CNBD1: variants seen among roughly 807,000 people sequenced by gnomAD.
CNBD1 encodes cyclic nucleotide-binding domain-containing protein 1.
A neutral mutation model predicts 54.4 loss-of-function variants in CNBD1; 71 were observed. The ratio of observed to expected loss-of-function variants is 1.30; its 90% CI spans 1.08 to 1.59. CNBD1 has a LOEUF of 1.59. CNBD1 is among the 40% of genes most tolerant of loss of function. The pLI, the probability that CNBD1 is intolerant of heterozygous loss-of-function variation, is 0.00. For missense variants in CNBD1, 659 were observed against 518.0 expected (o/e 1.27, Z -2.64); for synonymous variants, 182 against 170.7 (o/e 1.07, Z -0.51).
chr8:87,040,028 A>G (rs747316051), intron 4 of CNBD1, among the ~76,000 whole-genome samples: 7 of 152,104 alleles, frequency 4.6e-5, no homozygotes, highest in Non-Finnish European at 7.4e-5. Flanking sequence ...TCAAACACTG[A>G]TCTTTGGTTC....
intron 6 of CNBD1, among the ~76,000 whole-genome samples, chr8:87,249,976 G>A (rs899161699): frequency 6.6e-6 from 1 of 152,040 alleles, no homozygotes; most frequent in African/African-American, 2.4e-5. Flanking sequence ...AGAGAAATGG[G>A]ATCACATCAA....
At chr8:86,991,119 T>C (rs995567182) in intron 4 of CNBD1, among the ~76,000 whole-genome samples, 2 of 152,178 alleles carry the variant, frequency 1.3e-5, no homozygotes, top group Admixed American at 6.5e-5. Flanking sequence ...TTATATCATC[T>C]GCAAACAATG....
intron 10 of CNBD1, among the ~76,000 whole-genome samples, chr8:87,362,612 A>T (rs76404681): frequency 0.019 from 2,841 of 152,126 alleles, 90 homozygotes; most frequent in African/African-American, 0.062. Context: ...GATGGCCATT[A>T]AGAGGAATTT....
At chr8:86,955,175 A>G (rs1405030836) in intron 4 of CNBD1, among the ~76,000 whole-genome samples, 2 of 152,088 alleles carry the variant, frequency 1.3e-5, no homozygotes, top group Admixed American at 6.6e-5. Context: ...ATCATTTTTT[A>G]TGGCTGCATA....
At chr8:87,259,938 G>T (rs1200588068) in intron 6 of CNBD1, among the ~76,000 whole-genome samples, 3 of 152,082 alleles carry the variant, frequency 2.0e-5, no homozygotes, top group Non-Finnish European at 4.4e-5. Context: ...TTTACGAAAG[G>T]TAACCTTCCA....
intron 1 of CNBD1, among the ~76,000 whole-genome samples, chr8:86,876,447 G>A (rs1207812320): frequency 6.6e-6 from 1 of 151,576 alleles, no homozygotes; most frequent in Non-Finnish European, 1.5e-5. Context: ...CTTATGTTGA[G>A]TACTTAAGCT....
chr8:86,969,612 A>G (rs536272186), intron 4 of CNBD1, among the ~76,000 whole-genome samples: 5 of 152,146 alleles, frequency 3.3e-5, no homozygotes, highest in South Asian at 2.1e-4. Context: ...AAGGCATACA[A>G]ATTTATTATG....
chr8:87,109,005 G>A (rs1167001657), intron 4 of CNBD1, among the ~76,000 whole-genome samples: 1 of 151,988 alleles, frequency 6.6e-6, no homozygotes, highest in South Asian at 2.1e-4. Context: ...CCTTGACTTT[G>A]TTCTGCTTAT....
chr8:87,322,072 C>G (rs149698569), intron 8 of CNBD1, among the ~76,000 whole-genome samples: 1 of 130,164 alleles, frequency 7.7e-6, no homozygotes, highest in East Asian at 2.1e-4. Context: ...TTTGTTCTTG[C>G]GATAGTTTAC....
chr8:87,388,338 G>A (rs1163955120), intron 2 of CNBD1, among the ~76,000 whole-genome samples: 11 of 150,600 alleles, frequency 7.3e-5, no homozygotes, highest in East Asian at 3.9e-4. Flanking sequence ...AAAGATCAAC[G>A]AAATTGATAG....
At position 87,056,225 on chromosome 8, in the gene CNBD1, T is replaced by G. The variant is rs548865641; in HGVS notation, c.431+116471T>G. Reference sequence around the variant, plus strand: ...ATATAAAAGCATCTCTACCTCTAACTGCAGGAATGACAAAAGGCACTCCTT... The same window carrying G: ...ATATAAAAGCATCTCTACCTCTAACGGCAGGAATGACAAAAGGCACTCCTT... On this transcript the variant is annotated intron_variant, in intron 4 of 10. Coordinates refer to ENST00000518476, the MANE Select transcript of CNBD1 (RefSeq NM_173538.3). 3.3e-5 allele frequency among the ~76,000 whole-genome samples: 5 copies of G among 152,206 alleles called. No homozygotes were observed. The South Asian group carries it at 6.2e-4, about 19-fold the overall frequency.
chr8:86,955,243 T>C (rs1807734011), intron 4 of CNBD1, among the ~76,000 whole-genome samples: 1 of 152,152 alleles, frequency 6.6e-6, no homozygotes, highest in African/African-American at 2.4e-5. Flanking sequence ...TGATGGACAT[T>C]TGGGATGGTT....
chr8:87,146,880 G>A (rs935817390), intron 4 of CNBD1, among the ~76,000 whole-genome samples: 4 of 152,052 alleles, frequency 2.6e-5, no homozygotes, highest in Non-Finnish European at 5.9e-5. Flanking sequence ...CAAGGTATGT[G>A]TATATATATG....
intron 4 of CNBD1, among the ~76,000 whole-genome samples, chr8:87,200,138 A>T (rs1563505030): frequency 6.6e-6 from 1 of 152,182 alleles, no homozygotes; most frequent in Non-Finnish European, 1.5e-5. Flanking sequence ...ACCAGCACAA[A>T]GATAATGGGA....
At chr8:87,366,920 G>A (rs774081609) in intron 10 of CNBD1, among the ~76,000 whole-genome samples, 9 of 152,038 alleles carry the variant, frequency 5.9e-5, no homozygotes, top group Admixed American at 2.6e-4. Context: ...AGCCTTTCTA[G>A]TGAGCACCTT....
chr8:87,305,142 CAA>C (rs1396502631), intron 8 of CNBD1, among the ~76,000 whole-genome samples: 6 of 152,004 alleles, frequency 3.9e-5, no homozygotes, highest in Admixed American at 2.0e-4. Flanking sequence ...ATCGAGAACT[CAA>C]CACCTTTTAC....
At chr8:86,948,626 A>T (rs1807528219) in intron 4 of CNBD1, among the ~76,000 whole-genome samples, 1 of 152,082 alleles carries the variant, frequency 6.6e-6, no homozygotes, top group African/African-American at 2.4e-5. Flanking sequence ...TTTCTTACAG[A>T]GTTTTTTGAG....
chr8:87,347,504 G>T (rs565501326), intron 8 of CNBD1, among the ~76,000 whole-genome samples: 18 of 149,588 alleles, frequency 1.2e-4, no homozygotes, highest in East Asian at 9.7e-4. Flanking sequence ...TATACAATAA[G>T]TATAAGCAAT....
At chr8:87,322,016 A>G (rs1193650980) in intron 8 of CNBD1, among the ~76,000 whole-genome samples, 2 of 137,688 alleles carry the variant, frequency 1.5e-5, no homozygotes, top group Non-Finnish European at 3.1e-5. Context: ...ATGTGATCTC[A>G]TTGTTCAATT....
Sources: allele counts gnomAD v4.1 joint callset (sites outside exome capture counted in the v4.1 genomes callset), GRCh38; gene constraint gnomAD v4.1.1; transcripts MANE v1.5; gene names NCBI Gene and HGNC (gene_info 2026-07-23, HGNC 2026-07-21).